Variants in ZNF385D observed in about 807,000 individuals in gnomAD.
The protein encoded by ZNF385D is zinc finger protein 659.
ZNF385D carries 15 observed loss-of-function variants against 35.8 expected under a neutral mutation model. That is an observed-to-expected ratio of 0.42 (90% CI 0.28 to 0.64). The LOEUF is 0.64. Ranked by LOEUF, ZNF385D falls within the 30% of genes least tolerant of loss-of-function variation. The probability of loss-of-function intolerance (pLI) is 0.23; values close to 1 mark genes in which losing one functional copy is unlikely to be tolerated. For synonymous variants in ZNF385D, 212 were observed against 186.8 expected (o/e 1.13, Z -1.10); for missense variants, 474 against 494.6 (o/e 0.96, Z 0.39).
chr3:21,780,155 A>G (rs1199853214), intron 3 of ZNF385D, among the ~76,000 whole-genome samples: 1 of 152,016 alleles, frequency 6.6e-6, no homozygotes, highest in Non-Finnish European at 1.5e-5. Context: ...TAGTAGGAAT[A>G]TCAACAAACC....
intron 3 of ZNF385D, among the ~76,000 whole-genome samples, chr3:22,153,868 C>A (rs1254611872): frequency 1.3e-5 from 2 of 152,058 alleles, no homozygotes; most frequent in Non-Finnish European, 2.9e-5. Context: ...CTTCTGGATA[C>A]CTTTTACTCC....
intron 3 of ZNF385D, among the ~76,000 whole-genome samples, chr3:21,805,662 G>A (rs577900643): frequency 6.6e-6 from 1 of 152,234 alleles, no homozygotes; most frequent in South Asian, 2.1e-4. Context: ...TGACATTCGG[G>A]TTTCTCCTTA....
At chr3:21,841,371 G>T (rs929667345) in intron 3 of ZNF385D, among the ~76,000 whole-genome samples, 1 of 151,878 alleles carries the variant, frequency 6.6e-6, no homozygotes, top group African/African-American at 2.4e-5. Context: ...TGTAAGCTGA[G>T]ATCCTTTGAA....
intron 2 of ZNF385D, among the ~76,000 whole-genome samples, chr3:21,636,307 T>TATATAG (rs1307078306): frequency 1.4e-5 from 2 of 146,104 alleles, no homozygotes; most frequent in Non-Finnish European, 3.0e-5. Context: ...TAATAGGAGA[T>TATATAG]ATATAGATAT....
rs992287524 is a variant in ZNF385D, at chr3:22,170,995, C to T, written c.107-1960G>A. The stretch of plus-strand genomic sequence containing the variant: ...AGTATATTTACTACCATATGAAGCA[C>T]AAACTTGACTTAGAAAAAGTATTAG... On this transcript the variant is annotated intron_variant, in intron 2 of 5. Transcript: ENST00000494108. Among the ~76,000 whole-genome samples, 6 of 152,250 alleles carry T rather than the reference C, an allele frequency of 3.9e-5. 1 individual carries two copies. The highest frequency in any genetic ancestry group is 1.4e-4 in the African/African-American group (6 of 41,554).
At chr3:22,130,723 T>C in intron 3 of ZNF385D, among the ~76,000 whole-genome samples, 1 of 152,156 alleles carries the variant, frequency 6.6e-6, no homozygotes, top group Non-Finnish European at 1.5e-5. Context: ...AGACTGCCTT[T>C]TCTACCATCT....
At chr3:21,492,867 C>A (rs773967646) in intron 4 of ZNF385D, among the ~76,000 whole-genome samples, 2 of 151,744 alleles carry the variant, frequency 1.3e-5, no homozygotes, top group Non-Finnish European at 2.9e-5. Flanking sequence ...CCATTAATTG[C>A]AAGTTTGATG....
chr3:21,730,439 A>T (rs184594141), intron 1 of ZNF385D, among the ~76,000 whole-genome samples: 1 of 152,196 alleles, frequency 6.6e-6, no homozygotes, highest in South Asian at 2.1e-4. Context: ...AAATGCAGAG[A>T]TATCCAAACA....
chr3:21,840,225 C>T (rs1695577605), intron 3 of ZNF385D, among the ~76,000 whole-genome samples: 1 of 152,028 alleles, frequency 6.6e-6, no homozygotes, highest in Non-Finnish European at 1.5e-5. Context: ...GTAAGTATTA[C>T]ACATGCAAGA....
chr3:22,007,416 A>G (rs1696279385), intron 3 of ZNF385D, among the ~76,000 whole-genome samples: 1 of 152,224 alleles, frequency 6.6e-6, no homozygotes, highest in Non-Finnish European at 1.5e-5. Flanking sequence ...TTTGTTTTCC[A>G]AATTTGCAAT....
At chr3:21,932,941 G>A (rs1321196361) in intron 3 of ZNF385D, among the ~76,000 whole-genome samples, 1 of 152,120 alleles carries the variant, frequency 6.6e-6, no homozygotes, top group African/African-American at 2.4e-5. Flanking sequence ...TTGGCTACTG[G>A]GATAGGAGAT....
chr3:21,841,182 C>G (rs192743351), intron 3 of ZNF385D, among the ~76,000 whole-genome samples: 1 of 152,110 alleles, frequency 6.6e-6, no homozygotes, highest in South Asian at 2.1e-4. Context: ...AACTGCATAT[C>G]GTGGGCATCC....
chr3:21,758,230 C>T (rs1358416103), intron 3 of ZNF385D, among the ~76,000 whole-genome samples: 1 of 152,184 alleles, frequency 6.6e-6, no homozygotes, highest in Non-Finnish European at 1.5e-5. Context: ...AATGAAGGCT[C>T]TTATGAGTCA....
intron 3 of ZNF385D, among the ~76,000 whole-genome samples, chr3:22,121,824 A>T (rs1226981476): frequency 1.3e-5 from 2 of 152,116 alleles, no homozygotes; most frequent in Non-Finnish European, 2.9e-5. Context: ...CTTTAGCCTT[A>T]AAATAGACTC....
At chr3:21,519,411 G>T (rs1393451851) in intron 3 of ZNF385D, among the ~76,000 whole-genome samples, 1 of 152,142 alleles carries the variant, frequency 6.6e-6, no homozygotes, top group African/African-American at 2.4e-5. Flanking sequence ...ATGTTTTCAA[G>T]TATCTAAAGT....
chr3:22,154,378 T>C (rs1172299965), intron 3 of ZNF385D, among the ~76,000 whole-genome samples: 1 of 152,178 alleles, frequency 6.6e-6, no homozygotes, highest in Admixed American at 6.5e-5. Context: ...TCTTGCCTCT[T>C]ACCTTCCCAG....
At chr3:21,809,179 G>A (rs2072791851) in intron 3 of ZNF385D, among the ~76,000 whole-genome samples, 1 of 152,062 alleles carries the variant, frequency 6.6e-6, no homozygotes, top group Non-Finnish European at 1.5e-5. Context: ...GGATTTTAAA[G>A]TAGCTATTAT....
chr3:21,689,744 C>T (rs542004976), intron 1 of ZNF385D, among the ~76,000 whole-genome samples: 1 of 152,206 alleles, frequency 6.6e-6, no homozygotes, highest in African/African-American at 2.4e-5. Context: ...CCACACATTT[C>T]TGGGCCTTAC....
intron 2 of ZNF385D, among the ~76,000 whole-genome samples, chr3:21,647,538 A>G (rs1247319551): frequency 6.6e-6 from 1 of 152,086 alleles, no homozygotes; most frequent in Non-Finnish European, 1.5e-5. Context: ...GAGCACTTAT[A>G]TCTGAAGAAT....
Sources: gnomAD v4.1 joint callset for allele counts (sites outside exome capture counted in the v4.1 genomes callset) on GRCh38, gnomAD v4.1.1 for gene constraint, MANE v1.5 for transcripts, NCBI Gene and HGNC (gene_info 2026-07-23, HGNC 2026-07-21) for gene names.